Variants in GRAMD1B observed in about 807,000 individuals in gnomAD.
The protein encoded by GRAMD1B is GRAM domain containing 1B.
GRAMD1B carries 37 observed loss-of-function variants against 99.7 expected under a neutral mutation model. The observed-to-expected ratio is 0.37, with a 90% CI of 0.29 to 0.49. The LOEUF (loss-of-function observed/expected upper bound fraction) is 0.49. Ranked by LOEUF, GRAMD1B falls within the 20% of genes least tolerant of loss-of-function variation. The pLI, the probability that GRAMD1B is intolerant of heterozygous loss-of-function variation, is 0.98. For synonymous variants in GRAMD1B, 427 were observed against 387.6 expected (o/e 1.10, Z -1.19); for missense variants, 888 against 1,009.2 (o/e 0.88, Z 1.63).
At chr11:123,565,793 C>T (rs1284548458) in intron 2 of GRAMD1B, among the ~76,000 whole-genome samples, 1 of 152,206 alleles carries the variant, frequency 6.6e-6, no homozygotes, top group Admixed American at 6.5e-5. Flanking sequence ...GCTCAGCCAA[C>T]ACCCAGCCTG....
rs747427922 is a variant in GRAMD1B, at chr11:123,542,539, G to A, written c.453-34828G>A. Among the ~76,000 whole-genome samples, 3 of 152,346 alleles carry A rather than the reference G, an allele frequency of 2.0e-5. No individual in the cohort carries two copies. In the South Asian group the frequency reaches 6.2e-4, roughly 32 times the overall value. The stretch of plus-strand genomic sequence containing the variant: ...GAATTTATCAGGGAAGTCTCCCTGG[G>A]GAAGAAGCATTGGGAGCAGAGCTTT... On this transcript the variant is annotated intron_variant, in intron 2 of 19. Transcript: ENST00000635736.
chr11:123,594,909 C>A (rs142466083), intron 6 of GRAMD1B, 71 bp downstream of exon 6: 9 of 810,174 alleles, frequency 1.1e-5, no homozygotes, highest in Non-Finnish European at 2.0e-5. Context: ...TCGCTTTCTT[C>A]CTTTTGCTGA....
chr11:123,480,505 A>G (rs564896799), intron 1 of GRAMD1B, among the ~76,000 whole-genome samples: 1 of 152,074 alleles, frequency 6.6e-6, no homozygotes, highest in Non-Finnish European at 1.5e-5. Context: ...GTGGGTAGAG[A>G]GAATGCTGGA....
At chr11:123,526,411 A>G (rs559208600) in intron 2 of GRAMD1B, among the ~76,000 whole-genome samples, 1 of 152,280 alleles carries the variant, frequency 6.6e-6, no homozygotes, top group Admixed American at 6.5e-5. Context: ...GTTGAGGGGC[A>G]GTGGAGAGAA....
At chr11:123,408,601 C>T (rs1947935912) in intron 1 of GRAMD1B, among the ~76,000 whole-genome samples, 1 of 152,176 alleles carries the variant, frequency 6.6e-6, no homozygotes, top group African/African-American at 2.4e-5. Context: ...TCTGAGACTC[C>T]CTCCCTTTCC....
chr11:123,430,662 A>G lies in GRAMD1B; in HGVS notation c.-131A>G. 2.0e-6 allele frequency: 1 copy of G among 511,132 alleles called. No individual in the cohort carries two copies. Among genetic ancestry groups the G allele is most frequent in the Non-Finnish European group, 3.4e-6 (1 of 291,552 alleles). The allele number at this position is 511,132 out of a possible 1,614,324, so 31.7% of individuals were successfully genotyped here. Reference sequence around the variant, plus strand: ...CGTCCCTTCCTCGCTGCGCTCCGGGAAAGGAACTTGTTCCTTCGGCCCCAG... The same window carrying G: ...CGTCCCTTCCTCGCTGCGCTCCGGGGAAGGAACTTGTTCCTTCGGCCCCAG... On this transcript the variant is annotated 5_prime_UTR_variant, in exon 1 of 20. Coordinates refer to ENST00000635736, the MANE Select transcript of GRAMD1B (RefSeq NM_001387025.1).
At chr11:123,412,864 G>A (rs559038436) in intron 1 of GRAMD1B, among the ~76,000 whole-genome samples, 17 of 152,110 alleles carry the variant, frequency 1.1e-4, no homozygotes, top group Admixed American at 6.5e-4. Flanking sequence ...TTACTGCAAC[G>A]TCTACCTCCT....
chr11:123,548,322 A>G (rs1444492201), intron 2 of GRAMD1B, among the ~76,000 whole-genome samples: 22 of 108,154 alleles, frequency 2.0e-4, no homozygotes, highest in African/African-American at 1.1e-3. Context: ...ATATATATAT[A>G]TATACACACA....
chr11:123,582,765 AC>A (rs1320906133), intron 3 of GRAMD1B, among the ~76,000 whole-genome samples: 1 of 152,112 alleles, frequency 6.6e-6, no homozygotes, highest in African/African-American at 2.4e-5. Context: ...GCACACACCC[AC>A]CCTTGTGCGT....
intron 2 of GRAMD1B, among the ~76,000 whole-genome samples, chr11:123,522,996 A>G (rs992707181): frequency 9.2e-5 from 14 of 152,340 alleles, no homozygotes; most frequent in African/African-American, 2.9e-4. Context: ...TTCAAATTCC[A>G]GGCTTGCAGC....
At chr11:123,453,348 A>G (rs1279432425) in intron 1 of GRAMD1B, among the ~76,000 whole-genome samples, 4 of 151,866 alleles carry the variant, frequency 2.6e-5, no homozygotes, top group East Asian at 1.9e-4. Context: ...AGACAATCTC[A>G]CTCTGTCATC....
At chr11:123,553,860 G>A (rs1265776933) in intron 2 of GRAMD1B, among the ~76,000 whole-genome samples, 1 of 152,110 alleles carries the variant, frequency 6.6e-6, no homozygotes, top group African/African-American at 2.4e-5. Context: ...GATGGCCAGT[G>A]TATACCAACT....
chr11:123,474,203 A>G (rs909199264), intron 1 of GRAMD1B, among the ~76,000 whole-genome samples: 17 of 152,332 alleles, frequency 1.1e-4, no homozygotes, highest in Middle Eastern at 3.4e-3. Flanking sequence ...AACATGTTCT[A>G]CAGATGATTT....
chr11:123,519,647 G>A lies in GRAMD1B; in HGVS notation c.452+38754G>A, dbSNP rs74338832. The stretch of plus-strand genomic sequence containing the variant: ...AACTAGAGGCATGCAGCTATGCCCC[G>A]GTACTGCAGCGCTGCTGCACTCCTG... On this transcript the variant is annotated intron_variant, in intron 2 of 19. Transcript: ENST00000635736. Among the ~76,000 whole-genome samples, 1,377 of 152,318 alleles carry A rather than the reference G, an allele frequency of 9.0e-3. 17 individuals carry two copies. Among genetic ancestry groups the A allele is most frequent in the African/African-American group, 0.031 (1,299 of 41,570 alleles).
intron 2 of GRAMD1B, among the ~76,000 whole-genome samples, chr11:123,489,423 G>A (rs986889266): frequency 2.6e-5 from 4 of 152,180 alleles, no homozygotes; most frequent in African/African-American, 9.7e-5. Context: ...TAGTTGAGGC[G>A]AGTCTCAGGA....
chr11:123,418,698 A>C (rs1948318067), intron 1 of GRAMD1B, among the ~76,000 whole-genome samples: 1 of 152,214 alleles, frequency 6.6e-6, no homozygotes, highest in Non-Finnish European at 1.5e-5. Context: ...GGGCTGAAGC[A>C]GATGATATTC....
At chr11:123,465,269 G>A (rs1478368807) in intron 1 of GRAMD1B, among the ~76,000 whole-genome samples, 3 of 152,176 alleles carry the variant, frequency 2.0e-5, no homozygotes, top group Non-Finnish European at 4.4e-5. Flanking sequence ...GAAAGCCCAA[G>A]TCGATGGCTC....
At chr11:123,513,978 A>G (rs1338867520) in intron 2 of GRAMD1B, among the ~76,000 whole-genome samples, 1 of 152,084 alleles carries the variant, frequency 6.6e-6, no homozygotes, top group Non-Finnish European at 1.5e-5. Flanking sequence ...TAACTTTGAG[A>G]AAAGAGGTTA....
At chr11:123,533,843 A>C (rs1263298535) in intron 2 of GRAMD1B, among the ~76,000 whole-genome samples, 1 of 152,238 alleles carries the variant, frequency 6.6e-6, no homozygotes, top group Non-Finnish European at 1.5e-5. Context: ...ACTCCAAGCA[A>C]GGTCACACAG....
Sources: gnomAD v4.1 joint callset for allele counts (sites outside exome capture counted in the v4.1 genomes callset) on GRCh38, gnomAD v4.1.1 for gene constraint, MANE v1.5 for transcripts, NCBI Gene and HGNC (gene_info 2026-07-23, HGNC 2026-07-21) for gene names.